Variants in TMEM38B observed in about 807,000 individuals in gnomAD.
TMEM38B encodes transmembrane protein 38B, also known as trimeric intracellular cation channel type B.
A neutral mutation model predicts 28.7 loss-of-function variants in TMEM38B; 24 were observed. The ratio of observed to expected loss-of-function variants is 0.84; its 90% CI spans 0.61 to 1.18. The LOEUF is 1.18. TMEM38B is among the 50% of genes most tolerant of loss of function. The pLI, the probability that TMEM38B is intolerant of heterozygous loss-of-function variation, is 0.00. For missense variants in TMEM38B, 380 were observed against 350.9 expected, an observed-to-expected ratio of 1.08 and a Z score of -0.66; for synonymous variants, 131 against 127.7, an observed-to-expected ratio of 1.03 and a Z score of -0.17.
chr9:105,699,090 T>C (rs1366093404), intron 1 of TMEM38B, among the ~76,000 whole-genome samples: 1 of 152,172 alleles, frequency 6.6e-6, no homozygotes, highest in African/African-American at 2.4e-5. Context: ...TTTTTTACAC[T>C]CCATATATGT....
intron 5 of TMEM38B, among the ~76,000 whole-genome samples, chr9:105,764,560 C>T (rs1223425454): frequency 6.6e-6 from 1 of 152,116 alleles, no homozygotes; most frequent in Non-Finnish European, 1.5e-5. Context: ...GAACTGCAAA[C>T]CACTGCTCAA....
chr9:105,768,883 A>G (rs79533347), intron 5 of TMEM38B, among the ~76,000 whole-genome samples: 3,895 of 152,032 alleles, frequency 0.026, 73 homozygotes, highest in Non-Finnish European at 0.034. Context: ...TCTGTTTTAG[A>G]TTTCATTAAT....
chr9:105,752,236 T>A (rs192992039), intron 5 of TMEM38B, among the ~76,000 whole-genome samples: 1 of 152,084 alleles, frequency 6.6e-6, no homozygotes, highest in African/African-American at 2.4e-5. Context: ...AGTTGACTCA[T>A]CCATTCTAGG....
chr9:105,725,222 C>T (rs1202945693), intron 4 of TMEM38B, among the ~76,000 whole-genome samples: 2 of 151,854 alleles, frequency 1.3e-5, no homozygotes, highest in East Asian at 3.9e-4. Context: ...ACATTTATCA[C>T]CTTCTAACAT....
At chr9:105,720,561 A>G (rs993037475) in intron 2 of TMEM38B, among the ~76,000 whole-genome samples, 4 of 152,106 alleles carry the variant, frequency 2.6e-5, no homozygotes, top group South Asian at 2.1e-4. Flanking sequence ...TAGGCTAAAC[A>G]GACTATTGTA....
intron 1 of TMEM38B, among the ~76,000 whole-genome samples, chr9:105,695,896 A>G (rs925380203): frequency 6.6e-6 from 1 of 152,232 alleles, no homozygotes; most frequent in Non-Finnish European, 1.5e-5. Flanking sequence ...TTATCTGCAT[A>G]AGATATTATT....
chr9:105,725,379 A>G (rs904952335), intron 4 of TMEM38B, among the ~76,000 whole-genome samples: 2 of 150,262 alleles, frequency 1.3e-5, no homozygotes, highest in African/African-American at 4.9e-5. Context: ...CATAGTAGAT[A>G]ATACATACTA....
chr9:105,709,980 C>T (rs1411637062), intron 2 of TMEM38B, among the ~76,000 whole-genome samples: 1 of 152,182 alleles, frequency 6.6e-6, no homozygotes, highest in Non-Finnish European at 1.5e-5. Flanking sequence ...ACCTATTACC[C>T]ATGAATCAAT....
At chr9:105,758,517 C>T (rs1837915428) in intron 5 of TMEM38B, 2 of 1,254,526 alleles carry the variant, frequency 1.6e-6, no homozygotes. Flanking sequence ...CAGTTTTGGT[C>T]CTAAAGTTAC....
At chr9:105,718,288 G>A (rs1351501450) in intron 2 of TMEM38B, among the ~76,000 whole-genome samples, 1 of 150,988 alleles carries the variant, frequency 6.6e-6, no homozygotes, top group African/African-American at 2.4e-5. Flanking sequence ...GCCTAGGCTG[G>A]AGTGCAATGG....
At chr9:105,714,082 C>T (rs1432409644) in intron 2 of TMEM38B, among the ~76,000 whole-genome samples, 1 of 121,312 alleles carries the variant, frequency 8.2e-6, no homozygotes, top group Admixed American at 8.3e-5. Context: ...AGGAGCTACC[C>T]TCTCTGTTGA....
intron 2 of TMEM38B, among the ~76,000 whole-genome samples, chr9:105,711,637 C>T (rs1229828272): frequency 6.6e-6 from 1 of 151,778 alleles, no homozygotes; most frequent in East Asian, 1.9e-4. Flanking sequence ...CCCAGGAGTT[C>T]GAACAACTGG....
intron 1 of TMEM38B, among the ~76,000 whole-genome samples, chr9:105,698,663 A>G (rs1835363761): frequency 6.6e-6 from 1 of 152,082 alleles, no homozygotes; most frequent in Non-Finnish European, 1.5e-5. Flanking sequence ...ATTTATGTTT[A>G]TAATAGAAAT....
At chr9:105,756,350 T>C (rs1353933667) in intron 5 of TMEM38B, among the ~76,000 whole-genome samples, 1 of 152,186 alleles carries the variant, frequency 6.6e-6, no homozygotes, top group Non-Finnish European at 1.5e-5. Flanking sequence ...TCTTGTCTTT[T>C]TCTTGATCTT....
chr9:105,715,659 T>A (rs975099966), intron 2 of TMEM38B, among the ~76,000 whole-genome samples: 1 of 152,126 alleles, frequency 6.6e-6, no homozygotes, highest in Admixed American at 6.5e-5. Flanking sequence ...ATCTGTTATG[T>A]TTCTCTTTGT....
chr9:105,721,719 G>T lies in TMEM38B; in HGVS notation c.452G>T (p.Arg151Leu). Reference protein sequence around the residue: ...WIVMIAIGWARGAGGTIITNF... With the variant: ...WIVMIAIGWALGAGGTIITNF... Reference sequence around the variant, plus strand: ...GTCATGATAGCTATTGGATGGGCCCGAGGTAATATTGACAATATGTGTTCA... The same window carrying T: ...GTCATGATAGCTATTGGATGGGCCCTAGGTAATATTGACAATATGTGTTCA... The change falls in exon 3 of 6, where the codon CGA (arginine) becomes CTA (leucine). Residue 151 changes from arginine to leucine, a missense_variant and splice_region_variant. Physicochemically the swap from Arg to Leu is moderately radical, Grantham distance 102 (BLOSUM62 -2). Coordinates refer to ENST00000374692, the MANE Select transcript of TMEM38B (RefSeq NM_018112.3). 2 of 1,607,156 alleles carry T rather than the reference G, an allele frequency of 1.2e-6. No homozygotes were observed. The highest frequency in any genetic ancestry group is 2.7e-5 in the African/African-American group (2 of 74,676).
Position 105,756,486 on chromosome 9 carries a change from T to G in TMEM38B, c.660+8296T>G, listed in dbSNP as rs141768565. Among the ~76,000 whole-genome samples, 791 of 152,326 alleles carry G rather than the reference T, an allele frequency of 5.2e-3. 4 individuals are homozygous for G. The highest frequency in any genetic ancestry group is 8.9e-3 in the Non-Finnish European group (607 of 68,034). On this transcript the variant is annotated intron_variant, in intron 5 of 5. Coordinates refer to ENST00000374692, the MANE Select transcript of TMEM38B (RefSeq NM_018112.3). ...TTTGCTGAATGGGTGGGAGCTGTAT[T>G]ATTTTTGAGTTTCTAACTTTAATCT...
chr9:105,749,891 G>T (rs1490163186), intron 5 of TMEM38B, among the ~76,000 whole-genome samples: 1 of 152,148 alleles, frequency 6.6e-6, no homozygotes, highest in African/African-American at 2.4e-5. Context: ...TCTGTGAATG[G>T]AATTTTTAGG....
chr9:105,767,053 C>G (rs1301649231), intron 5 of TMEM38B, among the ~76,000 whole-genome samples: 1 of 151,976 alleles, frequency 6.6e-6, no homozygotes, highest in Non-Finnish European at 1.5e-5. Context: ...ATCTATGTCC[C>G]TACAAAGGAC....
Sources: gnomAD v4.1 joint callset for allele counts (sites outside exome capture counted in the v4.1 genomes callset) on GRCh38, gnomAD v4.1.1 for gene constraint, MANE v1.5 for transcripts, NCBI Gene and HGNC (gene_info 2026-07-23, HGNC 2026-07-21) for gene names.